CHRNB4: variants seen among roughly 807,000 people sequenced by gnomAD.
The protein encoded by CHRNB4 is cholinergic receptor nicotinic beta 4 subunit.
Under a neutral mutation model 40.4 loss-of-function variants are expected in CHRNB4, and 23 were observed. That is an observed-to-expected ratio of 0.57 (90% CI 0.41 to 0.81). The LOEUF (loss-of-function observed/expected upper bound fraction) is 0.81. CHRNB4 is among the 30% of genes least tolerant of loss of function. CHRNB4 has a pLI of 0.00. For synonymous variants in CHRNB4, 285 were observed against 274.4 expected, an observed-to-expected ratio of 1.04 and a Z score of -0.38; for missense variants, 568 against 670.6, an observed-to-expected ratio of 0.85 and a Z score of 1.69.
chr15:78,634,122 C>T (rs1469087462), intron 2 of CHRNB4, among the ~76,000 whole-genome samples: 1 of 152,124 alleles, frequency 6.6e-6, no homozygotes, highest in Non-Finnish European at 1.5e-5. Flanking sequence ...CCTGGCAACC[C>T]ACAACCTAAT....
intron 2 of CHRNB4, among the ~76,000 whole-genome samples, chr15:78,632,177 CTTT>C (rs2053831293): frequency 1.6e-5 from 2 of 128,774 alleles, no homozygotes; most frequent in South Asian, 2.6e-4. Context: ...CTTTCTCTTT[CTTT>C]CTTTCTTTCT....
intron 1 of CHRNB4, 68 bp from the exon 2 acceptor site, chr15:78,635,655 C>G: frequency 3.1e-6 from 5 of 1,595,734 alleles, no homozygotes; most frequent in Non-Finnish European, 3.4e-6. Flanking sequence ...CCTGTGGCAG[C>G]AGGGAGAGCT....
At chr15:78,653,303 A>G (rs1207737770) in intron 5 of CHRNB4, among the ~76,000 whole-genome samples, 1 of 152,068 alleles carries the variant, frequency 6.6e-6, no homozygotes, top group Non-Finnish European at 1.5e-5. Context: ...TAAAGGGTTC[A>G]CTCTACCTTG....
chr15:78,661,134 C>T (rs879176396), upstream of CHRNB4: 3 of 621,486 alleles, frequency 4.8e-6, no homozygotes, highest in African/African-American at 1.8e-5. Context: ...GGCTGTGCGG[C>T]GTTCCTGGGG....
intron 1 of CHRNB4, among the ~76,000 whole-genome samples, chr15:78,636,494 C>T (rs1372429429): frequency 6.6e-6 from 1 of 152,144 alleles, no homozygotes; most frequent in African/African-American, 2.4e-5. Context: ...CTTTCTCAAT[C>T]TGATTTTCTC....
intron 5 of CHRNB4, among the ~76,000 whole-genome samples, chr15:78,655,002 T>G (rs1351096690): frequency 1.3e-5 from 2 of 152,160 alleles, no homozygotes; most frequent in African/African-American, 4.8e-5. Flanking sequence ...CTGCACATTT[T>G]AAAAATGTAC....
At chr15:78,654,827 C>T (rs1162139664) in intron 5 of CHRNB4, among the ~76,000 whole-genome samples, 1 of 152,210 alleles carries the variant, frequency 6.6e-6, no homozygotes, top group Non-Finnish European at 1.5e-5. Context: ...GCTCAAGACA[C>T]AGACATTACC....
Position 78,635,566 on chromosome 15 carries a change from G to A in CHRNB4, c.77C>T (p.Ala26Val), listed in dbSNP as rs771105669. The change falls in exon 2 of 6, where the codon GCG (alanine) becomes GTG (valine). Residue 26 changes from alanine (A) to valine (V), a missense_variant. By Grantham distance (64) the Ala-to-Val change is moderately conservative. Coordinates refer to ENST00000261751, the MANE Select transcript of CHRNB4 (RefSeq NM_000750.5). ...AAGGTCGTCCATCAGCTTTTCCTCC[G>A]CATTGGCCACGCGGCAGTTCCCTGA... ...CGRGNCRVAN[A>V]EEKLMDDLLN... 7.4e-6 allele frequency: 12 copies of A among 1,613,952 alleles called. No homozygotes were observed. Among genetic ancestry groups the A allele is most frequent in the East Asian group, 4.5e-5 (2 of 44,878 alleles).
At chr15:78,641,528 T>G (rs2141400847), upstream of CHRNB4, among the ~76,000 whole-genome samples, 1 of 151,990 alleles carries the variant, frequency 6.6e-6, no homozygotes, top group East Asian at 1.9e-4. Flanking sequence ...AGCGGGGAGG[T>G]CCTTGGGCTT....
chr15:78,657,863 A>G (rs1358016608), intron 2 of CHRNB4, among the ~76,000 whole-genome samples: 1 of 149,384 alleles, frequency 6.7e-6, no homozygotes, highest in Admixed American at 6.7e-5. Context: ...AGGCATCATA[A>G]TTTAAATAAA....
At chr15:78,657,951 C>T (rs1168366657) in intron 2 of CHRNB4, among the ~76,000 whole-genome samples, 1 of 151,404 alleles carries the variant, frequency 6.6e-6, no homozygotes, top group African/African-American at 2.4e-5. Context: ...CAGCTACAAG[C>T]AGGGAAGAGG....
intron 3 of CHRNB4, among the ~76,000 whole-genome samples, chr15:78,657,121 TTCA>T (rs1375691247): frequency 6.6e-6 from 1 of 151,876 alleles, no homozygotes; most frequent in Non-Finnish European, 1.5e-5. Flanking sequence ...GCCTCCTAGG[TTCA>T]AGTGCTTCTC....
At chr15:78,661,564 G>A (rs926568708), upstream of CHRNB4, 20 of 536,388 alleles carry the variant, frequency 3.7e-5, no homozygotes, top group Non-Finnish European at 1.9e-5. Flanking sequence ...GGCTCCTTGC[G>A]CGGAACGTTT....
chr15:78,653,458 T>C (rs2054189099), intron 5 of CHRNB4, among the ~76,000 whole-genome samples: 1 of 152,162 alleles, frequency 6.6e-6, no homozygotes, highest in African/African-American at 2.4e-5. Flanking sequence ...TGATTCTCCA[T>C]AGCTTGCCTC....
At chr15:78,634,335 T>C (rs1445734127) in intron 2 of CHRNB4, among the ~76,000 whole-genome samples, 1 of 152,082 alleles carries the variant, frequency 6.6e-6, no homozygotes, top group Non-Finnish European at 1.5e-5. Flanking sequence ...AGCAGCTGGG[T>C]TCAACTCATT....
At chr15:78,631,377 C>T (rs983005129) in intron 2 of CHRNB4, 45 bp from the exon 3 acceptor site, 1 of 1,593,764 alleles carries the variant, frequency 6.3e-7, no homozygotes. Context: ...AAGGAGGAGC[C>T]TCACAAATGG....
At chr15:78,656,673 A>C (rs141117261) in exon 4 of CHRNB4, 159 of 152,346 alleles carry the variant, frequency 1.0e-3, no homozygotes, top group African/African-American at 3.7e-3. Context: ...ACGCTGTAGA[A>C]GATAAGATGT....
chr15:78,660,190 G>C (rs952130290), intron 1 of CHRNB4, among the ~76,000 whole-genome samples: 6 of 145,642 alleles, frequency 4.1e-5, no homozygotes, highest in African/African-American at 1.5e-4. Flanking sequence ...CTGAGCAACA[G>C]AGCAAGACTC....
At chr15:78,639,424 G>A (rs1472453329) in intron 1 of CHRNB4, among the ~76,000 whole-genome samples, 4 of 151,906 alleles carry the variant, frequency 2.6e-5, no homozygotes, top group African/African-American at 7.3e-5. Flanking sequence ...TCAGCCTCCC[G>A]AGTAGCTGGG....
Sources: gnomAD v4.1 joint callset for allele counts (sites outside exome capture counted in the v4.1 genomes callset) on GRCh38, gnomAD v4.1.1 for gene constraint, MANE v1.5 for transcripts, NCBI Gene and HGNC (gene_info 2026-07-23, HGNC 2026-07-21) for gene names.